SHPK: variants seen among roughly 807,000 people sequenced by gnomAD.
SHPK encodes carbohydrate kinase-like protein.
Under a neutral mutation model 46.3 loss-of-function variants are expected in SHPK, and 51 were observed. The ratio of observed to expected loss-of-function variants is 1.10; its 90% CI spans 0.88 to 1.39. The LOEUF (loss-of-function observed/expected upper bound fraction) is 1.39, where lower values mean the gene tolerates loss of function less well. Ranked by LOEUF, SHPK falls within the 40% of genes most tolerant of loss-of-function variation. SHPK has a pLI of 0.00. For missense variants in SHPK, 668 were observed against 641.3 expected (o/e 1.04, Z -0.45); for synonymous variants, 290 against 273.9 (o/e 1.06, Z -0.58).
chr17:3,632,982 T>C (rs1250219168), intron 1 of SHPK, among the ~76,000 whole-genome samples: 1 of 146,206 alleles, frequency 6.8e-6, no homozygotes, highest in Non-Finnish European at 1.5e-5. Context: ...TTTTTTTTTT[T>C]TTTTTTTTTT....
intron 2 of SHPK, among the ~76,000 whole-genome samples, chr17:3,625,234 T>C (rs1457568024): frequency 6.6e-6 from 1 of 152,196 alleles, no homozygotes; most frequent in East Asian, 1.9e-4. Context: ...TTGTGGTCGA[T>C]TGTTGCAAAT....
chr17:3,632,103 C>T (rs222736), intron 1 of SHPK, among the ~76,000 whole-genome samples: 18 of 151,724 alleles, frequency 1.2e-4, no homozygotes, highest in Admixed American at 2.0e-4. Context: ...ACTATAGGTG[C>T]GCGCCACCAC....
At chr17:3,617,813 C>CA (rs996217849) in intron 5 of SHPK, among the ~76,000 whole-genome samples, 9 of 150,392 alleles carry the variant, frequency 6.0e-5, no homozygotes, top group East Asian at 3.9e-4. Context: ...ACCCCAAAGT[C>CA]AAAAAAAAAT....
In SHPK at chr17:3,623,456, G is replaced by A. The variant is rs780281912; in HGVS notation, c.530C>T (p.Thr177Ile). 65 of 1,614,166 alleles carry A rather than the reference G, an allele frequency of 4.0e-5. No individual in the cohort carries two copies. The highest frequency in any genetic ancestry group is 1.3e-4 in the East Asian group (6 of 44,896). ...CATGGCAACCACATAGTCGTGGATG[G>A]TACCGGCTGCGTCGTAGGACTTCAG... ...EFLKSYDAAG[T>I]IHDYVVAMLC... The change falls in exon 4 of 7, where the codon ACC becomes ATC. Residue 177 changes from threonine to isoleucine, a missense_variant. Coordinates refer to ENST00000225519, the MANE Select transcript of SHPK (RefSeq NM_013276.4).
chr17:3,624,330 G>C (rs904958018), intron 2 of SHPK, 99 bp from the exon 3 acceptor site: 1 of 1,125,940 alleles, frequency 8.9e-7, no homozygotes, highest in African/African-American at 1.5e-5. Flanking sequence ...AAATATGTGC[G>C]AATCGTCCCA....
chr17:3,635,330 G>C (rs1258921384), intron 1 of SHPK, among the ~76,000 whole-genome samples: 3 of 151,920 alleles, frequency 2.0e-5, no homozygotes. Flanking sequence ...CCGCCTCCCG[G>C]GTTCGCGCCA....
At chr17:3,621,211 G>A in intron 5 of SHPK, 26 bp downstream of exon 5, 1 of 1,567,640 alleles carries the variant, frequency 6.4e-7, no homozygotes, top group Non-Finnish European at 8.7e-7. Flanking sequence ...GTGTAAGTCT[G>A]AGGACAGAAC....
At position 3,609,728 on chromosome 17, in the gene SHPK, T is replaced by C. The variant is rs1320739337; in HGVS notation, c.*832A>G. ...CTGGAATGTGCAGGGGCAAAAACAC[T>C]GCTGCACAGACATGCTCCTGGCAAG... is the stretch of plus-strand genomic sequence containing the variant. On this transcript the variant is annotated 3_prime_UTR_variant, in exon 7 of 7. Coordinates refer to ENST00000225519, the MANE Select transcript of SHPK (RefSeq NM_013276.4). 2.6e-5 allele frequency: 4 copies of C among 152,352 alleles called. No homozygotes were observed. The highest frequency in any genetic ancestry group is 9.6e-5 in the African/African-American group (4 of 41,462). The allele number at this position is 152,352 out of a possible 1,614,324, so 9.4% of individuals were successfully genotyped here. A position where few individuals can be genotyped will look rare whatever the true frequency, so the allele number is the denominator to read the frequency against.
intron 4 of SHPK, chr17:3,622,651 G>C: frequency 2.2e-6 from 2 of 929,394 alleles, no homozygotes; most frequent in Non-Finnish European, 2.6e-6. Context: ...GCAAATGATT[G>C]TTCAAAAAGA....
intron 4 of SHPK, among the ~76,000 whole-genome samples, chr17:3,622,959 C>G (rs1026547374): frequency 2.0e-5 from 3 of 152,220 alleles, no homozygotes; most frequent in African/African-American, 7.2e-5. Context: ...CCCGCCTCAG[C>G]CTCCCAAAGT....
At chr17:3,627,703 T>C (rs765903659) in intron 2 of SHPK, among the ~76,000 whole-genome samples, 6 of 151,172 alleles carry the variant, frequency 4.0e-5, no homozygotes, top group African/African-American at 7.3e-5. Flanking sequence ...ACGATGTGGC[T>C]GATGGTTTGT....
chr17:3,635,095 C>T (rs180837464), intron 1 of SHPK, among the ~76,000 whole-genome samples: 415 of 151,390 alleles, frequency 2.7e-3, no homozygotes, highest in Middle Eastern at 0.02. Context: ...TCACTTGAAT[C>T]CAGTTGGCGG....
chr17:3,618,723 T>TGA (rs894654723), intron 5 of SHPK, among the ~76,000 whole-genome samples: 1 of 151,726 alleles, frequency 6.6e-6, no homozygotes, highest in Admixed American at 6.6e-5. Context: ...GAGGTTGCAG[T>TGA]GAGCTGAGAT....
chr17:3,636,233 C>G lies in SHPK; in HGVS notation c.-14G>C. 6.3e-7 allele frequency: 1 copy of G among 1,589,292 alleles called. No homozygotes were observed. The highest frequency in any genetic ancestry group is 2.3e-5 in the East Asian group (1 of 43,662). On this transcript the variant is annotated 5_prime_UTR_variant, in exon 1 of 7. Transcript: ENST00000225519. ...CCGCGCAGCCATTATCTCCCTGACC[C>G]GCGCAGCTCCAGTCTGCAGCCAGCG...
intron 1 of SHPK, among the ~76,000 whole-genome samples, chr17:3,632,704 C>T (rs376874083): frequency 2.6e-5 from 4 of 152,192 alleles, no homozygotes; most frequent in South Asian, 4.1e-4. Flanking sequence ...CGAATCCTCG[C>T]GCTTTAGACT....
intron 1 of SHPK, among the ~76,000 whole-genome samples, chr17:3,630,622 G>A (rs2075464987): frequency 6.6e-6 from 1 of 152,196 alleles, no homozygotes; most frequent in Non-Finnish European, 1.5e-5. Context: ...ACTTTGGGAG[G>A]CCAAGGTGGG....
chr17:3,614,862 A>G (rs111739631), intron 6 of SHPK, among the ~76,000 whole-genome samples: 24 of 146,326 alleles, frequency 1.6e-4, no homozygotes, highest in African/African-American at 5.8e-4. Context: ...AAAAAAAAAA[A>G]GAAGAAGAAG....
rs2075322326 is a variant in SHPK at position 3,609,350 on chromosome 17, A to AGAGAGAGAGAGAGAGAGAG, written c.*1209_*1210insCTCTCTCTCTCTCTCTCTC. 2 of 148,736 alleles carry AGAGAGAGAGAGAGAGAGAG rather than the reference A, an allele frequency of 1.3e-5. No individual in the cohort carries two copies. Among genetic ancestry groups the AGAGAGAGAGAGAGAGAGAG allele is most frequent in the African/African-American group, 2.5e-5 (1 of 40,714 alleles). 9.2% of individuals were successfully genotyped at this position (148,736 alleles called of 1,614,324 possible). A position where few individuals can be genotyped will look rare whatever the true frequency, so the allele number is the denominator to read the frequency against. On this transcript the variant is annotated 3_prime_UTR_variant, in exon 7 of 7. Coordinates refer to ENST00000225519, the MANE Select transcript of SHPK (RefSeq NM_013276.4). ...GAGAGAGAGAGAGAGAGAGAGAGAG[A>AGAGAGAGAGAGAGAGAGAG]ATACGACTGCTTCCCAAACTCGTGG...
intron 5 of SHPK, among the ~76,000 whole-genome samples, chr17:3,620,309 G>A (rs896839475): frequency 4.0e-4 from 61 of 151,572 alleles, no homozygotes; most frequent in African/African-American, 1.2e-3. Context: ...CGCCCAGGCC[G>A]GAGTGCAGTG....
Sources: gnomAD v4.1 joint callset for allele counts (sites outside exome capture counted in the v4.1 genomes callset) on GRCh38, gnomAD v4.1.1 for gene constraint, MANE v1.5 for transcripts, NCBI Gene and HGNC (gene_info 2026-07-23, HGNC 2026-07-21) for gene names.